The following APBB2 variants were observed in gnomAD, a reference collection of about 807,000 sequenced individuals.
APBB2 encodes amyloid beta precursor protein binding family B member 2, also known as Fe65-like 1.
Under a neutral mutation model 82.5 loss-of-function variants are expected in APBB2, and 38 were observed. That is an observed-to-expected ratio of 0.46 (90% CI 0.36 to 0.60). APBB2 has a LOEUF of 0.60. APBB2 is among the 20% of genes least tolerant of loss of function. The probability of loss-of-function intolerance (pLI) is 0.00; values close to 1 mark genes in which losing one functional copy is unlikely to be tolerated. For missense variants in APBB2, 772 were observed against 972.3 expected (o/e 0.79, Z 2.74); for synonymous variants, 341 against 368.2 (o/e 0.93, Z 0.85).
chr4:40,987,724 C>G (rs922363026), intron 6 of APBB2, among the ~76,000 whole-genome samples: 1 of 152,150 alleles, frequency 6.6e-6, no homozygotes, highest in Admixed American at 6.5e-5. Context: ...TATGTACCAT[C>G]ATGTTTGTGA....
chr4:40,967,819 C>T (rs753311462), intron 6 of APBB2, among the ~76,000 whole-genome samples: 1 of 152,188 alleles, frequency 6.6e-6, no homozygotes, highest in African/African-American at 2.4e-5. Flanking sequence ...GCCAGAAGAG[C>T]TACACCTCCA....
At chr4:41,107,883 A>G (rs1580098691) in intron 2 of APBB2, among the ~76,000 whole-genome samples, 1 of 152,350 alleles carries the variant, frequency 6.6e-6, no homozygotes, top group East Asian at 1.9e-4. Context: ...AACTAAAAAG[A>G]CAAAATTCAA....
intron 2 of APBB2, among the ~76,000 whole-genome samples, chr4:41,121,247 A>C (rs1018651620): frequency 6.6e-6 from 1 of 152,254 alleles, no homozygotes; most frequent in African/African-American, 2.4e-5. Context: ...TAAAATGTTT[A>C]ACTCTAGCAT....
intron 4 of APBB2, among the ~76,000 whole-genome samples, chr4:41,063,996 G>T (rs1392776076): frequency 8.6e-6 from 1 of 116,722 alleles, no homozygotes; most frequent in Non-Finnish European, 1.6e-5. Context: ...TCGCTGTGTC[G>T]CCCAGGCTGG....
intron 10 of APBB2, among the ~76,000 whole-genome samples, chr4:40,893,635 C>A (rs1423925152): frequency 6.6e-6 from 1 of 152,188 alleles, no homozygotes; most frequent in Non-Finnish European, 1.5e-5. Flanking sequence ...TATCTTTTTG[C>A]CTGATGTGTT....
At chr4:40,889,009 A>G (rs1199675453) in intron 12 of APBB2, among the ~76,000 whole-genome samples, 1 of 152,266 alleles carries the variant, frequency 6.6e-6, no homozygotes, top group African/African-American at 2.4e-5. Flanking sequence ...AAATTAACCA[A>G]TTCATGCATC....
At chr4:41,172,012 A>T (rs1156882172) in intron 1 of APBB2, among the ~76,000 whole-genome samples, 1 of 152,220 alleles carries the variant, frequency 6.6e-6, no homozygotes, top group African/African-American at 2.4e-5. Context: ...AGGCAGTAGA[A>T]TCGCTTGAAC....
chr4:40,919,482 C>A (rs554058465), intron 10 of APBB2, among the ~76,000 whole-genome samples: 111 of 152,292 alleles, frequency 7.3e-4, no homozygotes, highest in African/African-American at 2.5e-3. Context: ...CTTTAAATTT[C>A]TCTGGAAAAA....
At chr4:40,965,442 G>A (rs1056834436) in intron 6 of APBB2, among the ~76,000 whole-genome samples, 2 of 152,168 alleles carry the variant, frequency 1.3e-5, no homozygotes, top group South Asian at 2.1e-4. Flanking sequence ...CTAGAGCTGT[G>A]CTGTCCAATA....
intron 13 of APBB2, among the ~76,000 whole-genome samples, chr4:40,828,423 G>A (rs976393617): frequency 2.6e-5 from 4 of 152,184 alleles, no homozygotes; most frequent in East Asian, 3.9e-4. Context: ...CATTTCCATC[G>A]CAGACCTCTA....
intron 3 of APBB2, among the ~76,000 whole-genome samples, chr4:41,075,372 T>C (rs1179071023): frequency 2.0e-5 from 3 of 152,240 alleles, no homozygotes; most frequent in Admixed American, 1.3e-4. Context: ...AGTTGAAAGA[T>C]AATACTCGGC....
chr4:41,012,919 C>T (rs980723470), intron 6 of APBB2, among the ~76,000 whole-genome samples: 2 of 152,134 alleles, frequency 1.3e-5, no homozygotes, highest in Non-Finnish European at 2.9e-5. Context: ...TTTAACACCT[C>T]CGACAAATCC....
chr4:40,827,338 T>G, intron 13 of APBB2, 119 bp from the exon 14 acceptor site: 1 of 765,582 alleles, frequency 1.3e-6, no homozygotes, highest in Non-Finnish European at 2.2e-6. Context: ...TTTAGTCTAT[T>G]GCCTGAAGTC....
chr4:41,036,377 C>T (rs1407262242), intron 4 of APBB2, among the ~76,000 whole-genome samples: 1 of 152,136 alleles, frequency 6.6e-6, no homozygotes, highest in Non-Finnish European at 1.5e-5. Flanking sequence ...CAAACTCCAA[C>T]TTCTATAAAG....
intron 6 of APBB2, among the ~76,000 whole-genome samples, chr4:41,010,754 T>C (rs1056241607): frequency 1.3e-5 from 2 of 152,220 alleles, no homozygotes; most frequent in Non-Finnish European, 2.9e-5. Flanking sequence ...AAAAATGGAC[T>C]GATCTACAAA....
chr4:41,103,814 A>T (rs1046453931), intron 2 of APBB2, among the ~76,000 whole-genome samples: 1 of 152,198 alleles, frequency 6.6e-6, no homozygotes, highest in African/African-American at 2.4e-5. Context: ...GAACATCAGG[A>T]GCTTCCTTGT....
At chr4:41,163,767 A>T (rs1459908939) in intron 1 of APBB2, among the ~76,000 whole-genome samples, 11 of 152,182 alleles carry the variant, frequency 7.2e-5, no homozygotes, top group Non-Finnish European at 5.9e-5. Flanking sequence ...TGGGCATGTG[A>T]GTCTGAGGCA....
chr4:41,177,567 C>A (rs967847568), intron 1 of APBB2: 1 of 152,130 alleles, frequency 6.6e-6, no homozygotes, highest in Non-Finnish European at 1.5e-5. Context: ...ACCTTATCTT[C>A]GTTCATACAA....
At chr4:41,205,598 G>T (rs1777733281) in intron 1 of APBB2, among the ~76,000 whole-genome samples, 1 of 152,094 alleles carries the variant, frequency 6.6e-6, no homozygotes, top group Non-Finnish European at 1.5e-5. Context: ...AAAAACTATG[G>T]CCATTTCCTA....
Sources: allele counts gnomAD v4.1 joint callset (sites outside exome capture counted in the v4.1 genomes callset), GRCh38; gene constraint gnomAD v4.1.1; transcripts MANE v1.5; gene names NCBI Gene and HGNC (gene_info 2026-07-23, HGNC 2026-07-21).